The following SOS1 variants were observed in gnomAD, a reference collection of about 807,000 sequenced individuals.
The protein encoded by SOS1 is son of sevenless homolog 1.
A neutral mutation model predicts 157.6 loss-of-function variants in SOS1; 25 were observed. The ratio of observed to expected loss-of-function variants is 0.16; its 90% CI spans 0.12 to 0.22. SOS1 has a LOEUF of 0.22. Ranked by LOEUF, SOS1 falls within the 10% of genes least tolerant of loss-of-function variation. The pLI is 1.00. For synonymous variants in SOS1, 528 were observed against 534.0 expected (o/e 0.99, Z 0.16); for missense variants, 1,237 against 1,599.1 (o/e 0.77, Z 3.86).
At chr2:39,049,012 G>A (rs1050769262) in intron 6 of SOS1, among the ~76,000 whole-genome samples, 1 of 151,958 alleles carries the variant, frequency 6.6e-6, no homozygotes, top group African/African-American at 2.4e-5. Flanking sequence ...CCACCTCCTG[G>A]GTTCAAGTGA....
At chr2:38,986,728 G>A (rs1668570821) in intron 22 of SOS1, among the ~76,000 whole-genome samples, 1 of 150,980 alleles carries the variant, frequency 6.6e-6, no homozygotes, top group Non-Finnish European at 1.5e-5. Context: ...GAAAAAAAAA[G>A]TTTGCCGTAG....
At chr2:38,997,882 C>G (rs941238751) in intron 17 of SOS1, among the ~76,000 whole-genome samples, 1 of 152,012 alleles carries the variant, frequency 6.6e-6, no homozygotes, top group African/African-American at 2.4e-5. Flanking sequence ...TTTTGGCAAA[C>G]AGGAAAAATA....
intron 21 of SOS1, among the ~76,000 whole-genome samples, chr2:38,988,522 A>G (rs1410595196): frequency 6.6e-6 from 1 of 152,066 alleles, no homozygotes; most frequent in African/African-American, 2.4e-5. Context: ...TAAGCTTTTT[A>G]TTTTGTCACA....
At chr2:39,106,463 C>T (rs1287340314) in intron 1 of SOS1, among the ~76,000 whole-genome samples, 4 of 148,460 alleles carry the variant, frequency 2.7e-5, no homozygotes, top group East Asian at 2.0e-4. Flanking sequence ...TAGTGGCGGG[C>T]GCCTGTCGTC....
At chr2:39,093,276 T>C (rs1021230530) in intron 1 of SOS1, among the ~76,000 whole-genome samples, 2 of 152,212 alleles carry the variant, frequency 1.3e-5, no homozygotes, top group Admixed American at 6.5e-5. Context: ...TGCATGATCA[T>C]CTATGTGGTT....
chr2:39,071,807 C>A (rs1049741573), intron 1 of SOS1, among the ~76,000 whole-genome samples: 11 of 152,230 alleles, frequency 7.2e-5, no homozygotes, highest in African/African-American at 2.2e-4. Flanking sequence ...CTAATGCAAT[C>A]TGAACTATTC....
intron 1 of SOS1, among the ~76,000 whole-genome samples, chr2:39,112,904 T>A: frequency 6.6e-6 from 1 of 151,992 alleles, no homozygotes; most frequent in Non-Finnish European, 1.5e-5. Context: ...CTGCGTGTGA[T>A]GGAGTGCGCC....
intron 15 of SOS1, chr2:39,007,449 A>C: frequency 2.2e-6 from 1 of 445,404 alleles, no homozygotes; most frequent in Non-Finnish European, 4.1e-6. Context: ...CTCTATTAGC[A>C]TCAGAATTAA....
chr2:38,991,027 T>C (rs1398479463), intron 20 of SOS1, among the ~76,000 whole-genome samples: 1 of 152,118 alleles, frequency 6.6e-6, no homozygotes, highest in African/African-American at 2.4e-5. Context: ...ATCTTGGCTG[T>C]ACATTAGAAT....
At chr2:39,004,731 T>C (rs986661978) in intron 17 of SOS1, among the ~76,000 whole-genome samples, 1 of 152,078 alleles carries the variant, frequency 6.6e-6, no homozygotes, top group African/African-American at 2.4e-5. Context: ...GCAGATTGTT[T>C]GCAGGAGATA....
chr2:39,033,410 T>A (rs1670236259), intron 8 of SOS1, among the ~76,000 whole-genome samples: 1 of 152,202 alleles, frequency 6.6e-6, no homozygotes. Context: ...TAAGTTATAA[T>A]TTTAGAAATT....
At chr2:39,120,243 G>A in intron 1 of SOS1, 93 bp downstream of exon 1, 1 of 1,142,580 alleles carries the variant, frequency 8.8e-7, no homozygotes, top group Non-Finnish European at 1.2e-6. Flanking sequence ...CGGGAAGAAA[G>A]ACGGCCCTGC....
intron 1 of SOS1, among the ~76,000 whole-genome samples, chr2:39,107,281 CTG>C (rs1235461922): frequency 6.6e-6 from 1 of 152,154 alleles, no homozygotes; most frequent in Non-Finnish European, 1.5e-5. Flanking sequence ...AAATCCATCA[CTG>C]TGTTTGTGTC....
At chr2:39,024,269 C>A in intron 8 of SOS1, 132 bp from the exon 9 acceptor site, 1 of 774,006 alleles carries the variant, frequency 1.3e-6, no homozygotes, top group Non-Finnish European at 2.1e-6. Context: ...ATCAAATATT[C>A]TTTTTAAAAG....
intron 17 of SOS1, among the ~76,000 whole-genome samples, chr2:38,998,244 T>A (rs537620435): frequency 2.0e-5 from 3 of 151,834 alleles, no homozygotes; most frequent in African/African-American, 7.2e-5. Context: ...TTTTTTTTTT[T>A]ATATTTTATA....
chr2:38,996,832 A>G, intron 19 of SOS1, 90 bp downstream of exon 19: 1 of 785,122 alleles, frequency 1.3e-6, no homozygotes, highest in Non-Finnish European at 2.3e-6. Flanking sequence ...TAACTATCAC[A>G]TGTATACTTC....
chr2:38,989,375 G>T, intron 20 of SOS1, 61 bp from the exon 21 acceptor site: 1 of 1,015,998 alleles, frequency 9.8e-7, no homozygotes, highest in Non-Finnish European at 1.6e-6. Context: ...CAACTCATCT[G>T]CAAAAATTTG....
intron 6 of SOS1, among the ~76,000 whole-genome samples, chr2:39,045,237 A>G (rs370415457): frequency 1.6e-3 from 123 of 75,612 alleles, no homozygotes; most frequent in African/African-American, 7.5e-3. Context: ...GGAATGAGAG[A>G]GAGAGGGAGA....
chr2:39,083,117 A>G (rs1188818181), intron 1 of SOS1, among the ~76,000 whole-genome samples: 1 of 152,166 alleles, frequency 6.6e-6, no homozygotes, highest in African/African-American at 2.4e-5. Context: ...TTTCTAGAGC[A>G]ATGTTACAGA....
Sources: gnomAD v4.1 joint callset for allele counts (sites outside exome capture counted in the v4.1 genomes callset) on GRCh38, gnomAD v4.1.1 for gene constraint, MANE v1.5 for transcripts, NCBI Gene and HGNC (gene_info 2026-07-23, HGNC 2026-07-21) for gene names.